Variants in CENPP observed in about 807,000 individuals in gnomAD.
CENPP encodes the protein centromere protein P.
Under a neutral mutation model 35.6 loss-of-function variants are expected in CENPP, and 24 were observed. The observed-to-expected ratio is 0.67, with a 90% CI of 0.49 to 0.95. The LOEUF (loss-of-function observed/expected upper bound fraction) is 0.95, where lower values mean the gene tolerates loss of function less well. Ranked by LOEUF, CENPP falls within the 40% of genes least tolerant of loss-of-function variation. The pLI is 0.00. For synonymous variants in CENPP, 120 were observed against 125.5 expected (o/e 0.96, Z 0.29); for missense variants, 332 against 345.3 (o/e 0.96, Z 0.31).
chr9:92,567,393 T>TATATATATATATATATATATATAG (rs1554688302), intron 5 of CENPP, among the ~76,000 whole-genome samples: 3 of 124,918 alleles, frequency 2.4e-5, no homozygotes, highest in Non-Finnish European at 4.8e-5. Flanking sequence ...TATATATATA[T>TATATATATATATATATATATATAG]ATAGATATAT....
chr9:92,365,406 CTTTTTTT>C (rs33952600), intron 4 of CENPP, among the ~76,000 whole-genome samples: 3 of 81,494 alleles, frequency 3.7e-5, no homozygotes, highest in South Asian at 4.2e-4. Context: ...TATAACTACT[CTTTTTTT>C]TTTTTTTTTT....
chr9:92,559,959 G>A (rs550270614), intron 5 of CENPP, among the ~76,000 whole-genome samples: 1 of 152,274 alleles, frequency 6.6e-6, no homozygotes, highest in African/African-American at 2.4e-5. Context: ...GAGCAACAAA[G>A]CAAGACCCCA....
intron 5 of CENPP, chr9:92,466,689 A>C: frequency 1.1e-6 from 1 of 919,174 alleles, no homozygotes; most frequent in Non-Finnish European, 1.6e-6. Context: ...GTACTAGATC[A>C]CCCATGTAAA....
intron 5 of CENPP, chr9:92,456,317 G>A (rs17519719): frequency 0.031 from 4,718 of 152,094 alleles, 114 homozygotes; most frequent in South Asian, 0.084. Context: ...TAGAGCTTTC[G>A]GTTTCTGTCT....
At chr9:92,513,057 T>TTGA (rs754395867) in intron 5 of CENPP, among the ~76,000 whole-genome samples, 4 of 152,194 alleles carry the variant, frequency 2.6e-5, no homozygotes, top group African/African-American at 4.8e-5. Flanking sequence ...CACAAATGTG[T>TTGA]TGACCTTTTC....
At chr9:92,539,838 C>T (rs1849276628) in intron 5 of CENPP, among the ~76,000 whole-genome samples, 1 of 152,174 alleles carries the variant, frequency 6.6e-6, no homozygotes, top group South Asian at 2.1e-4. Context: ...ACAACTCATT[C>T]AACCATTCCC....
Position 92,404,580 on chromosome 9 carries a change from A to G in CENPP, c.564+24721A>G, listed in dbSNP as rs1262238696. The G allele has an allele frequency of 2.3e-6, 3 of 1,293,796 alleles. No homozygotes were observed. The South Asian group carries it at 3.9e-5, about 17-fold the overall frequency. 80.1% of individuals were successfully genotyped at this position (1,293,796 alleles called of 1,614,324 possible). Reference sequence around the variant, plus strand: ...TTAGCCCCAAGTGGGAGGGTGAATGAGAAAAGCTATGTCTTGATTTCAAAC... The same window carrying G: ...TTAGCCCCAAGTGGGAGGGTGAATGGGAAAAGCTATGTCTTGATTTCAAAC... On this transcript the variant is annotated intron_variant, in intron 5 of 7. Transcript: ENST00000375587.
intron 4 of CENPP, among the ~76,000 whole-genome samples, chr9:92,356,608 A>G (rs1348037443): frequency 6.6e-6 from 1 of 152,250 alleles, no homozygotes; most frequent in African/African-American, 2.4e-5. Context: ...AAGAAATTAT[A>G]AAAGTATTAT....
chr9:92,354,095 C>T (rs1038450878), intron 4 of CENPP, among the ~76,000 whole-genome samples: 1 of 152,176 alleles, frequency 6.6e-6, no homozygotes, highest in Non-Finnish European at 1.5e-5. Context: ...GTGCCTTCAT[C>T]AGAGGCAATG....
At chr9:92,522,567 T>C in intron 5 of CENPP, 3 of 1,600,112 alleles carry the variant, frequency 1.9e-6, no homozygotes, top group Non-Finnish European at 2.6e-6. Context: ...CTCATAGTGT[T>C]CTCTTACCTG....
chr9:92,422,610 C>T (rs925765898), intron 5 of CENPP, among the ~76,000 whole-genome samples: 17 of 152,322 alleles, frequency 1.1e-4, no homozygotes, highest in African/African-American at 4.1e-4. Flanking sequence ...TAAACCTGAA[C>T]TTATCTTAAA....
At chr9:92,459,181 T>A (rs1378897050) in intron 5 of CENPP, among the ~76,000 whole-genome samples, 5 of 151,684 alleles carry the variant, frequency 3.3e-5, no homozygotes, top group Non-Finnish European at 2.9e-5. Context: ...TTGGAATGTT[T>A]AAAAAAAAAT....
intron 5 of CENPP, chr9:92,390,143 T>C (rs1842612866): frequency 6.6e-6 from 5 of 761,222 alleles, no homozygotes; most frequent in Non-Finnish European, 1.1e-5. Flanking sequence ...AACAGATCAC[T>C]CAAGCATCTT....
chr9:92,501,927 T>C (rs1362151043), intron 5 of CENPP, among the ~76,000 whole-genome samples: 1 of 152,228 alleles, frequency 6.6e-6, no homozygotes, highest in Non-Finnish European at 1.5e-5. Context: ...GAGTCTACTT[T>C]TGGCCTGCAC....
At chr9:92,550,832 A>T (rs1203323142) in intron 5 of CENPP, among the ~76,000 whole-genome samples, 1 of 152,180 alleles carries the variant, frequency 6.6e-6, no homozygotes, top group Admixed American at 6.5e-5. Context: ...CTCAGGATTC[A>T]CTGACACCAA....
chr9:92,519,497 A>G (rs994527914), intron 5 of CENPP, among the ~76,000 whole-genome samples: 4 of 152,222 alleles, frequency 2.6e-5, no homozygotes, highest in Admixed American at 1.3e-4. Context: ...GAACACTGAA[A>G]GTCAGACATA....
chr9:92,501,102 C>T lies in CENPP; in HGVS notation c.565-110212C>T, dbSNP rs191100785. 3.8e-6 allele frequency: 6 copies of T among 1,564,210 alleles called. No individual in the cohort carries two copies. The South Asian group carries it at 5.8e-5, about 15-fold the overall frequency. Reference sequence around the variant, plus strand: ...AGGGTAGGGACATCAGGATGGTGATCATCAGCTCTAAATTTTGATAAGGCC... The same window carrying T: ...AGGGTAGGGACATCAGGATGGTGATTATCAGCTCTAAATTTTGATAAGGCC... On this transcript the variant is annotated intron_variant, in intron 5 of 7. Coordinates refer to ENST00000375587, the MANE Select transcript of CENPP (RefSeq NM_001012267.3).
intron 5 of CENPP, among the ~76,000 whole-genome samples, chr9:92,400,441 G>A (rs995678023): frequency 6.6e-6 from 1 of 152,158 alleles, no homozygotes; most frequent in African/African-American, 2.4e-5. Flanking sequence ...GAGCCACCAC[G>A]CCCAGCCTGG....
chr9:92,494,265 C>T, intron 5 of CENPP: 3 of 959,304 alleles, frequency 3.1e-6, no homozygotes, highest in Non-Finnish European at 4.5e-6. Flanking sequence ...CCCTTTAATA[C>T]TAATTTTGTT....
Sources: allele counts gnomAD v4.1 joint callset (sites outside exome capture counted in the v4.1 genomes callset), GRCh38; gene constraint gnomAD v4.1.1; transcripts MANE v1.5; gene names NCBI Gene and HGNC (gene_info 2026-07-23, HGNC 2026-07-21).